Variants in ARMC9 observed in about 807,000 individuals in gnomAD.
ARMC9 encodes lisH domain-containing protein ARMC9.
Under a neutral mutation model 107.0 loss-of-function variants are expected in ARMC9, and 94 were observed. That is an observed-to-expected ratio of 0.88 (90% CI 0.74 to 1.04). ARMC9 has a LOEUF of 1.04. Ranked by LOEUF, ARMC9 falls within the 50% of genes least tolerant of loss-of-function variation. The probability of loss-of-function intolerance (pLI) is 0.00; values close to 1 mark genes in which losing one functional copy is unlikely to be tolerated. For missense variants in ARMC9, 942 were observed against 1,030.1 expected, an observed-to-expected ratio of 0.91 and a Z score of 1.17; for synonymous variants, 380 against 396.9, an observed-to-expected ratio of 0.96 and a Z score of 0.51.
chr2:231,295,636 C>T (rs1477708588), intron 18 of ARMC9: 3 of 152,236 alleles, frequency 2.0e-5, no homozygotes, highest in African/African-American at 7.2e-5. Context: ...TTTGTAAATT[C>T]TTAAAAAGAC....
chr2:231,205,624 T>G (rs1352766832), intron 1 of ARMC9, among the ~76,000 whole-genome samples: 1 of 152,190 alleles, frequency 6.6e-6, no homozygotes, highest in Non-Finnish European at 1.5e-5. Context: ...TCTTTTGACT[T>G]TAGCCATTGT....
chr2:231,305,052 C>T lies in ARMC9; in HGVS notation c.1773+8799C>T, dbSNP rs115845150. 4.5e-3 allele frequency among the ~76,000 whole-genome samples: 680 copies of T among 152,282 alleles called. 8 individuals are homozygous for T. Among genetic ancestry groups the T allele is most frequent in the African/African-American group, 0.016 (644 of 41,542 alleles). Reference sequence around the variant, plus strand: ...AGTCCCATTCCTGAAGATAACCATCCGCTTTAGTATAGCAGTACTGCTTTA... The same window carrying T: ...AGTCCCATTCCTGAAGATAACCATCTGCTTTAGTATAGCAGTACTGCTTTA... On this transcript the variant is annotated intron_variant, in intron 19 of 24. Transcript: ENST00000611582.
At chr2:231,256,121 A>G in intron 9 of ARMC9, 5 of 1,552,694 alleles carry the variant, frequency 3.2e-6, no homozygotes, top group African/African-American at 1.4e-5. Context: ...TGTGCAGCCT[A>G]TCAAGCTGGC....
At chr2:231,210,753 A>T (rs1004028791) in intron 3 of ARMC9, among the ~76,000 whole-genome samples, 20 of 152,212 alleles carry the variant, frequency 1.3e-4, no homozygotes, top group African/African-American at 4.3e-4. Flanking sequence ...AGGTCTTTTT[A>T]AAAAATTGTG....
At chr2:231,232,025 C>T (rs1375411583) in intron 7 of ARMC9, among the ~76,000 whole-genome samples, 1 of 121,628 alleles carries the variant, frequency 8.2e-6, no homozygotes, top group Admixed American at 9.5e-5. Flanking sequence ...TAACACATTC[C>T]TTTTTTTTTT....
chr2:231,245,385 C>A (rs1048379238), intron 9 of ARMC9, among the ~76,000 whole-genome samples: 2 of 152,210 alleles, frequency 1.3e-5, no homozygotes, highest in African/African-American at 2.4e-5. Context: ...CTAGGCTGTT[C>A]CTGGATGACA....
chr2:231,320,399 A>G (rs181693376), intron 19 of ARMC9, among the ~76,000 whole-genome samples: 225 of 152,312 alleles, frequency 1.5e-3, no homozygotes, highest in Admixed American at 2.4e-3. Flanking sequence ...ATCACTTGGC[A>G]CAATCTCAAG....
intron 7 of ARMC9, among the ~76,000 whole-genome samples, chr2:231,230,664 T>C (rs1180281639): frequency 6.6e-6 from 1 of 152,186 alleles, no homozygotes; most frequent in Non-Finnish European, 1.5e-5. Context: ...CAACAGATGC[T>C]CAAGTCCTTT....
intron 8 of ARMC9, among the ~76,000 whole-genome samples, chr2:231,237,485 A>G (rs962562050): frequency 6.6e-6 from 1 of 151,998 alleles, no homozygotes; most frequent in Admixed American, 6.6e-5. Context: ...ATAAAATTCT[A>G]AAAGTGGAAT....
intron 13 of ARMC9, among the ~76,000 whole-genome samples, chr2:231,272,595 G>A (rs1410434696): frequency 1.3e-5 from 2 of 152,044 alleles, no homozygotes; most frequent in Admixed American, 6.6e-5. Context: ...CAGGCTCACT[G>A]CAACCTGCCT....
rs937365996 is a variant in ARMC9, at chr2:231,360,455, T to C, written c.2132-299T>C. 6.6e-6 allele frequency among the ~76,000 whole-genome samples: 1 copy of C among 152,180 alleles called. No homozygotes were observed. Among genetic ancestry groups the C allele is most frequent in the Admixed American group, 6.5e-5 (1 of 15,282 alleles). On this transcript the variant is annotated intron_variant, in intron 22 of 24. Coordinates refer to ENST00000611582, the MANE Select transcript of ARMC9 (RefSeq NM_001352754.2). This position sits in a 1 kb window ranked among gnomAD's most constrained non-coding sequence, Gnocchi z 4.7. The stretch of plus-strand genomic sequence containing the variant: ...CTAGCCATGGCCCAGGGAGACAATT[T>C]GTTGTTCTGAGGGCTTTCCAGAGGC...
At chr2:231,363,386 G>A (rs576181607) in intron 23 of ARMC9, among the ~76,000 whole-genome samples, 1 of 152,184 alleles carries the variant, frequency 6.6e-6, no homozygotes, top group Non-Finnish European at 1.5e-5. Flanking sequence ...AGAGGTCTGG[G>A]GTCAGTGGTA....
intron 17 of ARMC9, among the ~76,000 whole-genome samples, chr2:231,285,900 T>C (rs2040555557): frequency 6.7e-6 from 1 of 149,236 alleles, no homozygotes; most frequent in Non-Finnish European, 1.5e-5. Flanking sequence ...ATATTCTCTT[T>C]GCATGTAGGT....
chr2:231,237,700 C>A (rs2035847212), intron 8 of ARMC9, among the ~76,000 whole-genome samples: 1 of 111,152 alleles, frequency 9.0e-6, no homozygotes, highest in African/African-American at 3.4e-5. Flanking sequence ...ATTTAGATTT[C>A]TTTAATTATG....
At chr2:231,205,245 C>T (rs1049784696) in intron 1 of ARMC9, among the ~76,000 whole-genome samples, 4 of 151,676 alleles carry the variant, frequency 2.6e-5, no homozygotes, top group Admixed American at 2.6e-4. Context: ...TGGCATGCAC[C>T]TATAGTTCTA....
intron 22 of ARMC9, among the ~76,000 whole-genome samples, chr2:231,357,085 A>G (rs532358683): frequency 3.3e-5 from 5 of 152,154 alleles, no homozygotes; most frequent in Admixed American, 6.5e-5. Flanking sequence ...TGAGGTTGGC[A>G]TGGATGGAAA....
At chr2:231,216,552 G>A (rs2033524382) in intron 4 of ARMC9, 86 bp from the exon 5 acceptor site, 2 of 1,454,838 alleles carry the variant, frequency 1.4e-6, no homozygotes, top group South Asian at 2.7e-5. Flanking sequence ...GACTGGGACA[G>A]AAGGAGCCTC....
chr2:231,206,137 C>T lies in ARMC9; in HGVS notation c.-41-61C>T, dbSNP rs531721146. The T allele has an allele frequency of 1.9e-4, 197 of 1,051,794 alleles. 1 individual carries two copies. The highest frequency in any genetic ancestry group is 9.4e-4 in the Admixed American group (53 of 56,470). The allele number at this position is 1,051,794 out of a possible 1,614,324, so 65.2% of individuals were successfully genotyped here. On this transcript the variant is annotated intron_variant, in intron 1 of 24. Coordinates refer to ENST00000611582, the MANE Select transcript of ARMC9 (RefSeq NM_001352754.2). ...CCATTATTCTGCTCACCACAACCAC[C>T]TTTTTGTAGTTTCATAGGTGGTTGA... is the stretch of plus-strand genomic sequence containing the variant.
At chr2:231,258,477 G>T (rs578005222) in intron 10 of ARMC9, among the ~76,000 whole-genome samples, 3 of 152,040 alleles carry the variant, frequency 2.0e-5, no homozygotes, top group Non-Finnish European at 4.4e-5. Flanking sequence ...CACCACGCCC[G>T]GCCCCCGACT....
Sources: gnomAD v4.1 joint callset for allele counts (sites outside exome capture counted in the v4.1 genomes callset) on GRCh38, gnomAD v4.1.1 for gene constraint, Gnocchi (gnomAD v3.1) non-coding constraint, MANE v1.5 for transcripts, NCBI Gene and HGNC (gene_info 2026-07-23, HGNC 2026-07-21) for gene names.